CTNNA3: variants seen among roughly 807,000 people sequenced by gnomAD.
CTNNA3 encodes catenin alpha 3.
Under a neutral mutation model 95.7 loss-of-function variants are expected in CTNNA3, and 76 were observed. That is an observed-to-expected ratio of 0.79 (90% CI 0.66 to 0.96). The LOEUF (loss-of-function observed/expected upper bound fraction) is 0.96. Among genes scored for constraint, CTNNA3 ranks in the 40% least tolerant of loss-of-function variants. CTNNA3 has a pLI of 0.00. For missense variants in CTNNA3, 1,191 were observed against 1,089.8 expected (o/e 1.09, Z -1.31); for synonymous variants, 431 against 374.4 (o/e 1.15, Z -1.74).
Position 67,648,071 on chromosome 10 carries a change from A to AAAGAAACT in CTNNA3, c.-5-554_-5-553insAGTTTCTT. 2.6e-5 allele frequency among the ~76,000 whole-genome samples: 4 copies of AAAGAAACT among 152,324 alleles called. No homozygotes were observed. The Middle Eastern group carries it at 0.014, about 518-fold the overall frequency. On this transcript the variant is annotated intron_variant, in intron 1 of 17. Transcript: ENST00000433211. ...CCTTCTTGGACAGGAAAAGAAACTAATACAAATTGCACAGTTGTTGTAAAA... is the reference window on the plus strand; with the variant it reads ...CCTTCTTGGACAGGAAAAGAAACTAAAAGAAACTTACAAATTGCACAGTTGTTGTAAAA...
chr10:65,969,038 A>G (rs2078040067), intron 16 of CTNNA3, among the ~76,000 whole-genome samples: 1 of 152,204 alleles, frequency 6.6e-6, no homozygotes, highest in Non-Finnish European at 1.5e-5. Flanking sequence ...AGCTTCTGCT[A>G]GTAAACAAGG....
intron 9 of CTNNA3, among the ~76,000 whole-genome samples, chr10:66,710,526 G>A (rs1848256374): frequency 6.6e-6 from 1 of 151,750 alleles, no homozygotes; most frequent in Non-Finnish European, 1.5e-5. Flanking sequence ...CTTTAATGAA[G>A]ATAATTTCAT....
intron 7 of CTNNA3, among the ~76,000 whole-genome samples, chr10:67,071,964 A>AT: frequency 6.6e-6 from 1 of 152,074 alleles, no homozygotes; most frequent in Middle Eastern, 3.4e-3. Context: ...TTTATTAATT[A>AT]TTTTTTTGAG....
upstream of CTNNA3, among the ~76,000 whole-genome samples, chr10:67,699,247 G>T (rs1461613018): frequency 6.6e-6 from 1 of 152,048 alleles, no homozygotes; most frequent in Non-Finnish European, 1.5e-5. Context: ...ACTCCCTGTG[G>T]TTGCTACTTA....
chr10:66,837,246 C>T (rs1842915704), intron 7 of CTNNA3, among the ~76,000 whole-genome samples: 1 of 152,148 alleles, frequency 6.6e-6, no homozygotes, highest in Non-Finnish European at 1.5e-5. Context: ...ATAACCATCA[C>T]AAGCCTTTTG....
At chr10:66,043,476 G>A (rs901075664) in intron 15 of CTNNA3, among the ~76,000 whole-genome samples, 8 of 152,112 alleles carry the variant, frequency 5.3e-5, no homozygotes, top group African/African-American at 2.4e-5. Context: ...TTGCAATTCA[G>A]TATCTGTCTT....
intron 16 of CTNNA3, among the ~76,000 whole-genome samples, chr10:65,980,083 A>G (rs2078287465): frequency 6.6e-6 from 1 of 152,046 alleles, no homozygotes; most frequent in South Asian, 2.1e-4. Flanking sequence ...CATTAGTGAG[A>G]TTAACGAAGA....
intron 13 of CTNNA3, among the ~76,000 whole-genome samples, chr10:66,191,442 A>G (rs181578386): frequency 1.3e-5 from 2 of 152,142 alleles, no homozygotes; most frequent in Admixed American, 6.6e-5. Flanking sequence ...TGATTCCTTT[A>G]ACCCAATTAC....
intron 3 of CTNNA3, among the ~76,000 whole-genome samples, chr10:67,604,224 A>G (rs1402985258): frequency 6.6e-6 from 1 of 152,198 alleles, no homozygotes; most frequent in Non-Finnish European, 1.5e-5. Context: ...TAAGTAAGGT[A>G]TGACTGTAGC....
intron 7 of CTNNA3, among the ~76,000 whole-genome samples, chr10:67,124,007 G>A (rs532236213): frequency 4.5e-4 from 69 of 152,176 alleles, no homozygotes; most frequent in Non-Finnish European, 8.4e-4. Context: ...CTTCAGACTA[G>A]CCTCACCTGA....
intron 14 of CTNNA3, among the ~76,000 whole-genome samples, chr10:66,070,106 ATT>A (rs2080404619): frequency 1.3e-5 from 2 of 152,040 alleles, no homozygotes; most frequent in Middle Eastern, 3.2e-3. Context: ...AAATTTTTTC[ATT>A]TTGTTTGTAT....
In CTNNA3 at chr10:66,254,983, A is replaced by C. The variant is rs114434980; in HGVS notation, c.1884+25487T>G. ...GCCAAGACAAAAAAGCAAATTTACT[A>C]TTGCCCCCTTCCAAGGGTGGCAAGT... On this transcript the variant is annotated intron_variant, in intron 13 of 17. Transcript: ENST00000433211. Among the ~76,000 whole-genome samples the C allele has an allele frequency of 2.3e-3, 356 of 152,286 alleles. 2 individuals are homozygous for C. Among genetic ancestry groups the C allele is most frequent in the South Asian group, 0.017 (81 of 4,826 alleles).
At chr10:66,061,293 G>A (rs2080193791) in intron 15 of CTNNA3, among the ~76,000 whole-genome samples, 1 of 152,098 alleles carries the variant, frequency 6.6e-6, no homozygotes. Context: ...GGAAGGTCAA[G>A]GTTCATGTGC....
At chr10:66,767,456 C>CAAAAAA (rs5785782) in intron 8 of CTNNA3, among the ~76,000 whole-genome samples, 2 of 140,658 alleles carry the variant, frequency 1.4e-5, no homozygotes, top group African/African-American at 2.7e-5. Context: ...CTCCCCCCGA[C>CAAAAAA]AAAAAAAAAA....
chr10:66,188,595 C>G (rs10996961), intron 13 of CTNNA3, among the ~76,000 whole-genome samples: 18,903 of 120,986 alleles, frequency 0.16, 1,641 homozygotes, highest in South Asian at 0.36. Flanking sequence ...GGGGGGGTCT[C>G]TGTGTGTGTG....
At chr10:66,400,998 G>A (rs1048097620) in intron 11 of CTNNA3, among the ~76,000 whole-genome samples, 2 of 152,034 alleles carry the variant, frequency 1.3e-5, no homozygotes, top group African/African-American at 4.8e-5. Context: ...AAGACCACAG[G>A]TATGTCATAA....
At chr10:65,973,984 G>GA (rs1417989064) in intron 16 of CTNNA3, among the ~76,000 whole-genome samples, 1 of 152,022 alleles carries the variant, frequency 6.6e-6, no homozygotes, top group Admixed American at 6.6e-5. Flanking sequence ...CAACCAATGT[G>GA]AAAAAATGCT....
At chr10:67,725,120 C>T (rs1296111394) in intron 1 of CTNNA3, among the ~76,000 whole-genome samples, 1 of 151,844 alleles carries the variant, frequency 6.6e-6, no homozygotes, top group Admixed American at 6.6e-5. Context: ...CGTAGTTCTC[C>T]ATGAGTCACT....
chr10:67,685,338 C>G (rs1016371823), intron 1 of CTNNA3, among the ~76,000 whole-genome samples: 2 of 152,222 alleles, frequency 1.3e-5, no homozygotes, highest in Non-Finnish European at 2.9e-5. Context: ...TGAGTGCAAA[C>G]AGCTTGCACA....
Sources: gnomAD v4.1 joint callset for allele counts (sites outside exome capture counted in the v4.1 genomes callset) on GRCh38, gnomAD v4.1.1 for gene constraint, MANE v1.5 for transcripts, NCBI Gene and HGNC (gene_info 2026-07-23, HGNC 2026-07-21) for gene names.